The following PLPP2 variants were observed in gnomAD, a reference collection of about 807,000 sequenced individuals.
PLPP2 encodes the protein phospholipid phosphatase 2, also known as PAP2-gamma.
PLPP2 carries 29 observed loss-of-function variants against 35.2 expected under a neutral mutation model. That is an observed-to-expected ratio of 0.82 (90% CI 0.61 to 1.12). The LOEUF (loss-of-function observed/expected upper bound fraction) is 1.12. Ranked by LOEUF, PLPP2 falls within the 50% of genes most tolerant of loss-of-function variation. The pLI, the probability that PLPP2 is intolerant of heterozygous loss-of-function variation, is 0.00. For synonymous variants in PLPP2, 162 were observed against 167.0 expected, an observed-to-expected ratio of 0.97 and a Z score of 0.23; for missense variants, 353 against 375.2, an observed-to-expected ratio of 0.94 and a Z score of 0.49.
Position 291,397 on chromosome 19 carries a change from G to T in PLPP2, c.-61C>A. The T allele has an allele frequency of 6.6e-7, 1 of 1,510,272 alleles. No individual in the cohort carries two copies. Among genetic ancestry groups the T allele is most frequent in the Admixed American group, 1.9e-5 (1 of 51,394 alleles). The allele number at this position is 1,510,272 out of a possible 1,614,324, so 93.6% of individuals were successfully genotyped here. A position where few individuals can be genotyped will look rare whatever the true frequency, so the allele number is the denominator to read the frequency against. ...CCCGTCGCGTCCCGGCCCGGCCGCG[G>T]AGTCACGTGGCGCGGAGCCCGCCCC... On this transcript the variant is annotated 5_prime_UTR_variant, in exon 1 of 6. Coordinates refer to ENST00000434325, the MANE Select transcript of PLPP2 (RefSeq NM_003712.4).
chr19:291,229 G>A, intron 1 of PLPP2, 56 bp downstream of exon 1: 2 of 1,594,976 alleles, frequency 1.3e-6, no homozygotes, highest in Non-Finnish European at 1.7e-6. Flanking sequence ...CGCGCAGCCG[G>A]GGGCGTGTCC....
chr19:281,915 A>G (rs745348592), intron 5 of PLPP2: 17 of 504,768 alleles, frequency 3.4e-5, no homozygotes, highest in Non-Finnish European at 5.8e-5. Flanking sequence ...GGGTCCAGGT[A>G]AGGACTGGGA....
chr19:289,986 G>A (rs902194910), intron 1 of PLPP2, among the ~76,000 whole-genome samples: 18 of 152,122 alleles, frequency 1.2e-4, no homozygotes, highest in African/African-American at 3.9e-4. Flanking sequence ...AACTAGAGAC[G>A]CAGGCACCCC....
chr19:287,950 C>T lies in PLPP2; in HGVS notation c.204+70G>A. 3 of 1,527,008 alleles carry T rather than the reference C, an allele frequency of 2.0e-6. No homozygotes were observed. Among genetic ancestry groups the T allele is most frequent in the Admixed American group, 3.8e-5 (2 of 52,794 alleles). 94.6% of individuals were successfully genotyped at this position (1,527,008 alleles called of 1,614,324 possible). A position where few individuals can be genotyped will look rare whatever the true frequency, so the allele number is the denominator to read the frequency against. ...GGGCAGGGCTGTGCCACCCCCCCAT[C>T]AGGCCCCCAGGGTAAAGCTGGCCCC... On this transcript the variant is annotated intron_variant, in intron 2 of 5. Coordinates refer to ENST00000434325, the MANE Select transcript of PLPP2 (RefSeq NM_003712.4). The surrounding 1 kb of genome is among the most constrained non-coding windows in gnomAD (Gnocchi z 4.3).
At chr19:291,161 C>A in intron 1 of PLPP2, 124 bp downstream of exon 1, 1 of 1,499,746 alleles carries the variant, frequency 6.7e-7, no homozygotes, top group South Asian at 1.3e-5. Flanking sequence ...GAGGTCCCCG[C>A]CTCCAGGGTC....
At chr19:282,698 G>C in intron 4 of PLPP2, 54 bp downstream of exon 4, 2 of 1,543,774 alleles carry the variant, frequency 1.3e-6, no homozygotes, top group South Asian at 1.1e-5. Flanking sequence ...CCAGGGAAGG[G>C]AGTGATTTAG....
Position 288,104 on chromosome 19 carries a change from AT to A in PLPP2, c.119del (p.Asp40ValfsTer69), listed in dbSNP as rs759668330. The A allele has an allele frequency of 6.2e-7, 1 of 1,613,214 alleles. No individual in the cohort carries two copies. The highest frequency in any genetic ancestry group is 1.7e-5 in the Admixed American group (1 of 59,964). Reference protein sequence around the residue: ...APYKRGFYCGDDSIRYPYRPD... With the variant: ...APYKRGFYCGXDSIRYPYRPD... Reference sequence around the variant, plus strand: ...GACGGTAGGGGTACCGGATGGAGTCATCCCCGCAGTAAAATCCTCGCTTGTA... The same window carrying A: ...GACGGTAGGGGTACCGGATGGAGTCACCCCGCAGTAAAATCCTCGCTTGTA... On this transcript the variant is annotated frameshift_variant, in exon 2 of 6. Transcript: ENST00000434325. LOFTEE classifies it high-confidence loss of function.
At chr19:289,527 A>G (rs962112838) in intron 1 of PLPP2, among the ~76,000 whole-genome samples, 3 of 152,018 alleles carry the variant, frequency 2.0e-5, no homozygotes, top group African/African-American at 4.8e-5. Flanking sequence ...CATCCTGGCT[A>G]ACACGGTGAA....
At chr19:290,341 A>G (rs1209216190) in intron 1 of PLPP2, among the ~76,000 whole-genome samples, 1 of 152,182 alleles carries the variant, frequency 6.6e-6, no homozygotes, top group Non-Finnish European at 1.5e-5. Context: ...TTCCTGGCAT[A>G]CAGAAAGTGC....
rs151177202 is a variant in PLPP2, at chr19:287,539, G to A, written c.417C>T (p.Asn139=). The change falls in exon 3 of 6, where the codon AAC becomes AAT. Residue 139 remains asparagine (N), a synonymous_variant. Coordinates refer to ENST00000434325, the MANE Select transcript of PLPP2 (RefSeq NM_003712.4). The surrounding 1 kb of genome is among the most constrained non-coding windows in gnomAD (Gnocchi z 4.3). The stretch of plus-strand genomic sequence containing the variant: ...TCTCCAGCTGCACATAGACCGAGCA[G>A]TTGACCCGGCTCCAGTCGGGGTCGC... ...AVCDPDWSRV[N]CSVYVQLEKV... is the part of the protein sequence containing the mutation. 6 of 1,613,664 alleles carry A rather than the reference G, an allele frequency of 3.7e-6. No homozygotes were observed. The African/African-American group carries it at 5.3e-5, about 14-fold the overall frequency.
chr19:290,965 C>T (rs1323818085), intron 1 of PLPP2: 3 of 1,243,190 alleles, frequency 2.4e-6, no homozygotes, highest in Non-Finnish European at 3.0e-6. Flanking sequence ...CCAGGCCAGG[C>T]GGGGCGGGAT....
intron 3 of PLPP2, chr19:286,114 G>A (rs1970267711): frequency 6.8e-6 from 1 of 146,972 alleles, no homozygotes; most frequent in South Asian, 2.2e-4. Flanking sequence ...AGCCAAGATT[G>A]CACCACCGCA....
chr19:291,348 C>T lies in PLPP2; in HGVS notation c.-12G>A, dbSNP rs577615619. The T allele has an allele frequency of 2.5e-6, 4 of 1,588,922 alleles. No homozygotes were observed. Among genetic ancestry groups the T allele is most frequent in the Admixed American group, 3.5e-5 (2 of 57,874 alleles). Reference sequence around the variant, plus strand: ...CACCTCCGCTGCATGGTCCCCGCGACCCCCGACGCCGGTCCCAGCGCGTCC... The same window carrying T: ...CACCTCCGCTGCATGGTCCCCGCGATCCCCGACGCCGGTCCCAGCGCGTCC... On this transcript the variant is annotated 5_prime_UTR_variant, in exon 1 of 6. Coordinates refer to ENST00000434325, the MANE Select transcript of PLPP2 (RefSeq NM_003712.4).
In PLPP2 at chr19:282,298, C is replaced by A. The variant is rs753966441; in HGVS notation, c.553G>T (p.Ala185Ser). ...CMVFLALYVQ[A>S]RLCWKWARLL... Reference sequence around the variant, plus strand: ...CGTGCCCACTTCCAACAGAGTCGTGCCTGCACATACAGCTGGAGTGGGGAG... The same window carrying A: ...CGTGCCCACTTCCAACAGAGTCGTGACTGCACATACAGCTGGAGTGGGGAG... The change falls in exon 5 of 6, where the codon GCA becomes TCA. Residue 185 changes from alanine (A) to serine (S), a missense_variant. By Grantham distance (99) the Ala-to-Ser change is moderately conservative. Coordinates refer to ENST00000434325, the MANE Select transcript of PLPP2 (RefSeq NM_003712.4). 1 of 1,613,570 alleles carries A rather than the reference C, an allele frequency of 6.2e-7. No individual in the cohort carries two copies. The highest frequency in any genetic ancestry group is 8.5e-7 in the Non-Finnish European group (1 of 1,179,794).
chr19:290,060 C>A (rs1226907047), intron 1 of PLPP2, among the ~76,000 whole-genome samples: 1 of 152,212 alleles, frequency 6.6e-6, no homozygotes, highest in African/African-American at 2.4e-5. Context: ...CCAAAACAGA[C>A]ACCTTCTCTT....
In PLPP2 at chr19:281,986, G is replaced by C. The variant is rs111444367; in HGVS notation, c.717+148C>G. 1.1e-3 allele frequency: 947 copies of C among 860,158 alleles called. 4 individuals carry two copies. In the African/African-American group the frequency reaches 0.014, roughly 13 times the overall value. 53.3% of individuals were successfully genotyped at this position (860,158 alleles called of 1,614,324 possible). On this transcript the variant is annotated intron_variant, in intron 5 of 5. Coordinates refer to ENST00000434325, the MANE Select transcript of PLPP2 (RefSeq NM_003712.4). The stretch of plus-strand genomic sequence containing the variant: ...AGGATGGGGTAAAGGGAAGGACTGG[G>C]GTTGGGGGAAGGGGTCCCAGGGAGG...
chr19:290,843 G>A (rs1970375690), intron 1 of PLPP2: 4 of 958,882 alleles, frequency 4.2e-6, no homozygotes, highest in Non-Finnish European at 5.4e-6. Context: ...AGGACCGAGG[G>A]TCAGCCCTCT....
Position 282,798 on chromosome 19 carries a change from TA to T in PLPP2, c.493del (p.Tyr165ThrfsTer92). The T allele has an allele frequency of 6.2e-7, 1 of 1,612,116 alleles. No individual in the cohort carries two copies. The highest frequency in any genetic ancestry group is 8.5e-7 in the Non-Finnish European group (1 of 1,179,504). On this transcript the variant is annotated frameshift_variant, in exon 4 of 6. Coordinates refer to ENST00000434325, the MANE Select transcript of PLPP2 (RefSeq NM_003712.4). LOFTEE classifies it high-confidence loss of function. ...CATCCCAAAGGAAGAGTGTCCCGAGTAGAAAGACAACCTGAGGAAGGAGAAG... is the reference window on the plus strand; with the variant it reads ...CATCCCAAAGGAAGAGTGTCCCGAGTGAAAGACAACCTGAGGAAGGAGAAG... The part of the protein sequence containing the change: ...ADVTEARLSF[Y>X]SGHSSFGMYC...
At chr19:286,869 G>C (rs905865944) in intron 3 of PLPP2, 1 of 152,390 alleles carries the variant, frequency 6.6e-6, no homozygotes, top group African/African-American at 2.4e-5. Context: ...GGAGGCTCAG[G>C]TGGGAAGATG....
Sources: allele counts gnomAD v4.1 joint callset (sites outside exome capture counted in the v4.1 genomes callset), GRCh38; gene constraint gnomAD v4.1.1; non-coding constraint Gnocchi (gnomAD v3.1); transcripts MANE v1.5; gene names NCBI Gene and HGNC (gene_info 2026-07-23, HGNC 2026-07-21).